Variants in CNGA1 observed in about 807,000 individuals in gnomAD.
CNGA1 encodes the protein cyclic nucleotide gated channel subunit alpha 1, also known as cyclic nucleotide-gated channel alpha-1.
In CNGA1, 53 loss-of-function variants were observed where a neutral mutation model predicts 69.7. That is an observed-to-expected ratio of 0.76 (90% CI 0.61 to 0.96). The LOEUF is 0.96. CNGA1 is among the 40% of genes least tolerant of loss of function. The probability of loss-of-function intolerance (pLI) is 0.00; values close to 1 mark genes in which losing one functional copy is unlikely to be tolerated. For missense variants in CNGA1, 739 were observed against 811.2 expected, an observed-to-expected ratio of 0.91 and a Z score of 1.08; for synonymous variants, 249 against 283.5, an observed-to-expected ratio of 0.88 and a Z score of 1.22.
chr4:47,969,236 C>A (rs1350912275), intron 3 of CNGA1, among the ~76,000 whole-genome samples: 1 of 152,000 alleles, frequency 6.6e-6, no homozygotes, highest in African/African-American at 2.4e-5. Context: ...ATCTCCCACC[C>A]CCAGGAGACA....
chr4:48,015,251 A>G (rs1715332938), intron 1 of CNGA1, among the ~76,000 whole-genome samples: 2 of 152,214 alleles, frequency 1.3e-5, no homozygotes, highest in African/African-American at 4.8e-5. Flanking sequence ...CTTGTTATGG[A>G]AAATTGGCAT....
intron 6 of CNGA1, among the ~76,000 whole-genome samples, chr4:47,945,914 G>A (rs1399631447): frequency 6.7e-6 from 1 of 148,396 alleles, no homozygotes; most frequent in Non-Finnish European, 1.5e-5. Context: ...AAATAACACA[G>A]TGACCCACTC....
Position 47,943,401 on chromosome 4 carries a change from T to A in CNGA1, c.299A>T (p.Glu100Val). Residue 100 changes from glutamate to valine, a missense_variant, in exon 7 of 11, where the codon GAA becomes GTA. Coordinates refer to ENST00000514170, the MANE Select transcript of CNGA1 (RefSeq NM_001379270.1). ...CTTTTCTTTTTTCTTTTTCTTTTTT[T>A]CTTCTGGTTCCCTAAAGAAAAAAAT... ...NSSNKDQEPE[E>V]KKKKKKEKKS... The A allele has an allele frequency of 1.3e-6, 2 of 1,494,376 alleles. No individual in the cohort carries two copies. The highest frequency in any genetic ancestry group is 1.8e-6 in the Non-Finnish European group (2 of 1,113,898). The allele number at this position is 1,494,376 out of a possible 1,614,324, so 92.6% of individuals were successfully genotyped here. A position where few individuals can be genotyped will look rare whatever the true frequency, so the allele number is the denominator to read the frequency against.
intron 3 of CNGA1, among the ~76,000 whole-genome samples, chr4:47,958,576 C>A (rs575925927): frequency 2.6e-5 from 4 of 151,686 alleles, no homozygotes; most frequent in Non-Finnish European, 5.9e-5. Flanking sequence ...GAGCCGAGAT[C>A]GCACCATTGC....
chr4:47,939,017 G>GA (rs1256984169), intron 10 of CNGA1, among the ~76,000 whole-genome samples: 93 of 149,764 alleles, frequency 6.2e-4, no homozygotes, highest in African/African-American at 2.1e-3. Flanking sequence ...GAAAGAGAAA[G>GA]AAGAAAGAAA....
intron 10 of CNGA1, 69 bp downstream of exon 10, chr4:47,940,694 A>C: frequency 9.2e-7 from 1 of 1,087,272 alleles, no homozygotes; most frequent in Non-Finnish European, 1.4e-6. Flanking sequence ...TTGGATTAGG[A>C]AATGTCAAAT....
intron 3 of CNGA1, among the ~76,000 whole-genome samples, chr4:47,965,649 A>T (rs905875978): frequency 6.6e-6 from 1 of 151,066 alleles, no homozygotes; most frequent in African/African-American, 2.4e-5. Flanking sequence ...CTGGTCTCAA[A>T]CTCCTGACCT....
chr4:48,006,452 G>T (rs1453189117), intron 2 of CNGA1, among the ~76,000 whole-genome samples: 1 of 151,940 alleles, frequency 6.6e-6, no homozygotes, highest in Non-Finnish European at 1.5e-5. Context: ...CATAATTTTA[G>T]AATACATACC....
At chr4:48,011,475 G>A (rs776596428) in intron 1 of CNGA1, among the ~76,000 whole-genome samples, 3 of 151,914 alleles carry the variant, frequency 2.0e-5, no homozygotes, top group Non-Finnish European at 4.4e-5. Flanking sequence ...TAACCATTGA[G>A]TTCCTTTTTT....
intron 1 of CNGA1, among the ~76,000 whole-genome samples, chr4:48,013,833 T>A (rs893299161): frequency 6.6e-6 from 1 of 152,188 alleles, no homozygotes; most frequent in Non-Finnish European, 1.5e-5. Context: ...AGGTGGTTTC[T>A]ACTCCCCAGC....
At chr4:47,955,626 CA>C (rs1379691699) in intron 3 of CNGA1, among the ~76,000 whole-genome samples, 2 of 152,210 alleles carry the variant, frequency 1.3e-5, no homozygotes, top group African/African-American at 2.4e-5. Context: ...CCTTGGGCTT[CA>C]AAAGTCCACT....
intron 2 of CNGA1, among the ~76,000 whole-genome samples, chr4:47,994,308 T>C (rs1053761347): frequency 1.3e-5 from 2 of 152,202 alleles, no homozygotes; most frequent in Non-Finnish European, 2.9e-5. Flanking sequence ...TGTTGCTGTC[T>C]ATCTCATTTC....
At chr4:48,002,551 G>T (rs1714704695) in intron 2 of CNGA1, among the ~76,000 whole-genome samples, 1 of 149,382 alleles carries the variant, frequency 6.7e-6, no homozygotes, top group African/African-American at 2.5e-5. Flanking sequence ...GGTAATAGGT[G>T]CTTGCTGTTG....
chr4:47,973,428 T>A (rs1231411503), intron 3 of CNGA1, among the ~76,000 whole-genome samples: 1 of 152,138 alleles, frequency 6.6e-6, no homozygotes, highest in African/African-American at 2.4e-5. Context: ...CTCAGAGCAC[T>A]CACACACCAC....
intron 2 of CNGA1, among the ~76,000 whole-genome samples, chr4:47,992,477 T>C (rs1742311135): frequency 1.3e-5 from 2 of 152,052 alleles, no homozygotes. Context: ...TTGGTTGCTG[T>C]TGGTGCATAG....
intron 3 of CNGA1, among the ~76,000 whole-genome samples, chr4:47,969,308 A>G (rs1162771527): frequency 1.3e-5 from 2 of 151,988 alleles, no homozygotes; most frequent in Non-Finnish European, 2.9e-5. Flanking sequence ...TTCTGGAGGC[A>G]TGAGCCATGC....
chr4:47,941,862 A>C (rs1739097158), intron 9 of CNGA1, among the ~76,000 whole-genome samples, 179 bp downstream of exon 9: 1 of 152,138 alleles, frequency 6.6e-6, no homozygotes, highest in Non-Finnish European at 1.5e-5. Context: ...TTGAGAACTG[A>C]AGCACTTCCT....
chr4:48,009,884 C>A (rs1715076207), intron 2 of CNGA1, among the ~76,000 whole-genome samples: 1 of 152,130 alleles, frequency 6.6e-6, no homozygotes, highest in South Asian at 2.1e-4. Context: ...TTCTATTTTT[C>A]TTTAAGCCAA....
intron 3 of CNGA1, among the ~76,000 whole-genome samples, chr4:47,978,307 CA>C (rs1741522955): frequency 6.6e-6 from 1 of 152,018 alleles, no homozygotes; most frequent in African/African-American, 2.4e-5. Flanking sequence ...AACATGTTAA[CA>C]TATTAAATTT....
Sources: gnomAD v4.1 joint callset for allele counts (sites outside exome capture counted in the v4.1 genomes callset) on GRCh38, gnomAD v4.1.1 for gene constraint, MANE v1.5 for transcripts, NCBI Gene and HGNC (gene_info 2026-07-23, HGNC 2026-07-21) for gene names.